CHEK1: variants seen among roughly 807,000 people sequenced by gnomAD.
The protein encoded by CHEK1 is checkpoint kinase 1, also known as serine/threonine-protein kinase Chk1.
A neutral mutation model predicts 60.2 loss-of-function variants in CHEK1; 32 were observed. That is an observed-to-expected ratio of 0.53 (90% CI 0.40 to 0.71). CHEK1 has a LOEUF of 0.71. CHEK1 is among the 30% of genes least tolerant of loss of function. The pLI, the probability that CHEK1 is intolerant of heterozygous loss-of-function variation, is 0.00. For missense variants in CHEK1, 399 were observed against 564.6 expected (o/e 0.71, Z 2.97); for synonymous variants, 179 against 187.2 (o/e 0.96, Z 0.36).
chr11:125,654,909 C>T (rs766891296), intron 12 of CHEK1, among the ~76,000 whole-genome samples: 3 of 152,184 alleles, frequency 2.0e-5, no homozygotes, highest in Non-Finnish European at 2.9e-5. Flanking sequence ...TTTCCAAACC[C>T]TCACTGCCTA....
rs573451436 is a variant in CHEK1, at chr11:125,646,773, A to G, written c.1233+2130A>G. On this transcript the variant is annotated intron_variant, in intron 11 of 12. Coordinates refer to ENST00000438015, the MANE Select transcript of CHEK1 (RefSeq NM_001114122.3). Reference sequence around the variant, plus strand: ...TTATTGGCCATTTCTTTATAACAGTATCCGGATATTTTGTCCATGCTTTAA... The same window carrying G: ...TTATTGGCCATTTCTTTATAACAGTGTCCGGATATTTTGTCCATGCTTTAA... Among the ~76,000 whole-genome samples, 52 of 152,082 alleles carry G rather than the reference A, an allele frequency of 3.4e-4. No homozygotes were observed. In the South Asian group the frequency reaches 0.01, roughly 30 times the overall value.
At chr11:125,638,594 T>A (rs1941160892) in intron 8 of CHEK1, among the ~76,000 whole-genome samples, 1 of 152,206 alleles carries the variant, frequency 6.6e-6, no homozygotes, top group Admixed American at 6.5e-5. Context: ...AATTCTCCCC[T>A]GAGGACACTG....
At chr11:125,637,385 C>T (rs1173071648) in intron 7 of CHEK1, 64 bp from the exon 8 acceptor site, 1 of 1,330,822 alleles carries the variant, frequency 7.5e-7, no homozygotes, top group South Asian at 1.4e-5. Context: ...GTGTTTCTTA[C>T]CTCAAGCCAT....
downstream of CHEK1, among the ~76,000 whole-genome samples, chr11:125,678,470 C>A (rs570125567): frequency 6.6e-6 from 1 of 152,212 alleles, no homozygotes; most frequent in African/African-American, 2.4e-5. Flanking sequence ...CCCAAAAGGC[C>A]ATGGAGGACA....
intron 13 of CHEK1, among the ~76,000 whole-genome samples, chr11:125,674,930 C>T (rs1437366344): frequency 6.6e-6 from 1 of 152,178 alleles, no homozygotes; most frequent in African/African-American, 2.4e-5. Context: ...AAACTCTTTG[C>T]TCTTTTTCCT....
At chr11:125,664,232 A>G (rs1198647136) in intron 13 of CHEK1, among the ~76,000 whole-genome samples, 2 of 129,376 alleles carry the variant, frequency 1.5e-5, no homozygotes, top group African/African-American at 5.9e-5. Context: ...ATGTTGAACT[A>G]TTTTTTTTTT....
downstream of CHEK1, among the ~76,000 whole-genome samples, chr11:125,657,416 C>G (rs1021870859): frequency 9.2e-5 from 14 of 152,106 alleles, 1 homozygote; most frequent in African/African-American, 3.4e-4. Context: ...AGATCATTTA[C>G]AGACCCTTAA....
At chr11:125,663,092 T>C (rs1267753635) in intron 13 of CHEK1, among the ~76,000 whole-genome samples, 2 of 152,008 alleles carry the variant, frequency 1.3e-5, no homozygotes. Flanking sequence ...AAGCTACTTA[T>C]GTAGTCGAGA....
At chr11:125,680,642 G>T, downstream of CHEK1, 1 of 1,251,486 alleles carries the variant, frequency 8.0e-7, no homozygotes, top group Non-Finnish European at 1.1e-6. Context: ...TTGGGTGACT[G>T]AGAGACTGGT....
chr11:125,659,837 G>C (rs1941980032), downstream of CHEK1, among the ~76,000 whole-genome samples: 1 of 152,024 alleles, frequency 6.6e-6, no homozygotes, highest in South Asian at 2.1e-4. Flanking sequence ...CTTTCAGAAA[G>C]AACCTCCCTG....
At chr11:125,638,399 T>C (rs1565370216) in intron 8 of CHEK1, among the ~76,000 whole-genome samples, 1 of 152,172 alleles carries the variant, frequency 6.6e-6, no homozygotes. Context: ...CTAGTATTGA[T>C]AGGACTGTTA....
At chr11:125,680,897 C>T, downstream of CHEK1, 1 of 825,152 alleles carries the variant, frequency 1.2e-6, no homozygotes, top group Non-Finnish European at 2.0e-6. Flanking sequence ...AATTCTAGAA[C>T]CTCAGAAGTA....
chr11:125,676,931 G>GTC (rs149711765), downstream of CHEK1, among the ~76,000 whole-genome samples: 12,017 of 151,592 alleles, frequency 0.079, 565 homozygotes, highest in African/African-American at 0.13. Flanking sequence ...CCTGTGAAGA[G>GTC]TGTGTCCTTC....
rs975774215 is a variant in CHEK1 at position 125,656,851 on chromosome 11, G to C, written c.*1531G>C. ...TAATAACCTCCTCTGTTTGCTGTGG[G>C]AATTTGTATAGAATGGTGGGAAAAT... On this transcript the variant is annotated 3_prime_UTR_variant, in exon 13 of 13. Coordinates refer to ENST00000438015, the MANE Select transcript of CHEK1 (RefSeq NM_001114122.3). 1 of 212,086 alleles carries C rather than the reference G, an allele frequency of 4.7e-6. No individual in the cohort carries two copies. The highest frequency in any genetic ancestry group is 7.1e-5 in the East Asian group (1 of 14,128). The allele number at this position is 212,086 out of a possible 1,614,324, so 13.1% of individuals were successfully genotyped here.
At chr11:125,627,076 AAGCATTGCGGTTAATG>A (rs1228714705) in intron 2 of CHEK1, among the ~76,000 whole-genome samples, 2 of 152,176 alleles carry the variant, frequency 1.3e-5, no homozygotes, top group African/African-American at 4.8e-5. Flanking sequence ...CTCAGGGTTT[AAGCATTGCGGTTAATG>A]AGCAAATGAG....
intron 7 of CHEK1, 141 bp from the exon 8 acceptor site, chr11:125,637,308 T>C: frequency 1.9e-6 from 1 of 535,244 alleles, no homozygotes; most frequent in Non-Finnish European, 3.1e-6. Context: ...AAAGCAGTAA[T>C]TTAGTAGCTT....
intron 2 of CHEK1, among the ~76,000 whole-genome samples, 160 bp downstream of exon 2, chr11:125,626,993 TAA>T (rs912218732): frequency 6.7e-6 from 1 of 148,852 alleles, no homozygotes; most frequent in Non-Finnish European, 1.5e-5. Context: ...TCCTTCCCTT[TAA>T]AAAAAAAAGT....
At chr11:125,647,575 TAA>T (rs962287208) in intron 11 of CHEK1, among the ~76,000 whole-genome samples, 22 of 152,196 alleles carry the variant, frequency 1.4e-4, no homozygotes, top group African/African-American at 3.4e-4. Context: ...TTTGGAATTT[TAA>T]AAGAGATTAC....
At chr11:125,678,978 T>TTATTTATATATATATATA (rs1555078665), downstream of CHEK1, among the ~76,000 whole-genome samples, 2 of 88,436 alleles carry the variant, frequency 2.3e-5, no homozygotes. Flanking sequence ...TCTAGGCATA[T>TTATTTATATATATATATA]TATATATATA....
Sources: allele counts gnomAD v4.1 joint callset (sites outside exome capture counted in the v4.1 genomes callset), GRCh38; gene constraint gnomAD v4.1.1; transcripts MANE v1.5; gene names NCBI Gene and HGNC (gene_info 2026-07-23, HGNC 2026-07-21).